Variants in DYNLT2 observed in about 807,000 individuals in gnomAD.
DYNLT2 encodes dynein light chain Tctex-type protein 2.
A neutral mutation model predicts 24.3 loss-of-function variants in DYNLT2; 24 were observed. The ratio of observed to expected loss-of-function variants is 0.99; its 90% CI spans 0.71 to 1.39. The LOEUF (loss-of-function observed/expected upper bound fraction) is 1.39, where lower values mean the gene tolerates loss of function less well. Ranked by LOEUF, DYNLT2 falls within the 40% of genes most tolerant of loss-of-function variation. DYNLT2 has a pLI of 0.00. For missense variants in DYNLT2, 246 were observed against 234.5 expected (o/e 1.05, Z -0.32); for synonymous variants, 85 against 85.4 (o/e 1.00, Z 0.03).
At chr6:169,729,511 T>C in the DYNLT2 span, among the ~76,000 whole-genome samples, 5 of 152,216 alleles carry the variant, frequency 3.3e-5, no homozygotes, top group Non-Finnish European at 5.9e-5. Context: ...CTTTGCTGCT[T>C]GTAAACTGAA....
the DYNLT2 span, among the ~76,000 whole-genome samples, chr6:169,730,573 G>C: frequency 6.6e-6 from 1 of 152,192 alleles, no homozygotes; most frequent in Non-Finnish European, 1.5e-5. Flanking sequence ...GAGAGGTTGG[G>C]AATATAGAGG....
chr6:169,734,802 T>A, the DYNLT2 span, among the ~76,000 whole-genome samples: 1 of 152,230 alleles, frequency 6.6e-6, no homozygotes, highest in South Asian at 2.1e-4. Flanking sequence ...GCTGGCTTCA[T>A]AAAATGAGTT....
At chr6:169,731,376 CTG>C in the DYNLT2 span, among the ~76,000 whole-genome samples, 1 of 152,130 alleles carries the variant, frequency 6.6e-6, no homozygotes, top group African/African-American at 2.4e-5. Flanking sequence ...GAGGCAAAGA[CTG>C]ATACAAAGTT....
downstream of DYNLT2, among the ~76,000 whole-genome samples, chr6:169,737,429 A>G (rs1286035835): frequency 6.6e-6 from 1 of 151,886 alleles, no homozygotes; most frequent in Admixed American, 6.6e-5. Context: ...CATTTTTTTC[A>G]TTGATTCTTT....
At chr6:169,747,876 A>C (rs1384779240) in intron 1 of DYNLT2, among the ~76,000 whole-genome samples, 1 of 152,162 alleles carries the variant, frequency 6.6e-6, no homozygotes, top group African/African-American at 2.4e-5. Context: ...TATAGGCTGG[A>C]TATTTTTGTA....
At chr6:169,728,612 T>C in the DYNLT2 span, among the ~76,000 whole-genome samples, 6 of 152,202 alleles carry the variant, frequency 3.9e-5, no homozygotes, top group Non-Finnish European at 4.4e-5. Flanking sequence ...AGAACTTTTG[T>C]TGAAACATCA....
chr6:169,731,025 G>A, the DYNLT2 span, among the ~76,000 whole-genome samples: 40 of 152,262 alleles, frequency 2.6e-4, no homozygotes, highest in African/African-American at 9.4e-4. Flanking sequence ...AGGGGAAAGA[G>A]GCTGATGATA....
rs764239516 is a variant in DYNLT2, at chr6:169,744,218, C to T, written c.177G>A (p.Val59=). The change falls in exon 2 of 4, where the codon GTG becomes GTA. Residue 59 remains valine (V), a synonymous_variant. Coordinates refer to ENST00000366774, the MANE Select transcript of DYNLT2 (RefSeq NM_174910.3). The part of the protein sequence containing the change: ...LRESIHNVQY[V]EPPFDDSIAD... The stretch of plus-strand genomic sequence containing the variant: ...CAATTGAGTCATCAAAAGGAGGCTC[C>T]ACATACTGAACATTGTGAATTGACT... The T allele has an allele frequency of 5.0e-6, 8 of 1,613,624 alleles. No individual in the cohort carries two copies. The highest frequency in any genetic ancestry group is 1.7e-5 in the Admixed American group (1 of 59,984).
At position 169,751,503 on chromosome 6, in the gene DYNLT2, G is replaced by C. The variant is rs558334390; in HGVS notation, c.-45C>G. ...CGCCCACCGCCTCCCCTTCACCGCC[G>C]GCGGTCAAACGCCCTAGCCAGTCCC... On this transcript the variant is annotated 5_prime_UTR_variant, in exon 1 of 4. Transcript: ENST00000366774. The C allele has an allele frequency of 6.2e-7, 1 of 1,611,162 alleles. No homozygotes were observed. The highest frequency in any genetic ancestry group is 1.3e-5 in the African/African-American group (1 of 74,998).
At chr6:169,729,613 C>T in the DYNLT2 span, among the ~76,000 whole-genome samples, 2 of 152,146 alleles carry the variant, frequency 1.3e-5, no homozygotes, top group African/African-American at 4.8e-5. Flanking sequence ...TTGTGCCTTA[C>T]CTGCAAATTC....
At chr6:169,736,130 GTTTT>G (rs550542182), downstream of DYNLT2, among the ~76,000 whole-genome samples, 2 of 133,342 alleles carry the variant, frequency 1.5e-5, no homozygotes, top group Non-Finnish European at 3.1e-5. Context: ...TTGTTGTTTC[GTTTT>G]TTTGTTTGTT....
chr6:169,737,791 G>A (rs148228019), downstream of DYNLT2, among the ~76,000 whole-genome samples: 1,146 of 152,274 alleles, frequency 7.5e-3, 8 homozygotes, highest in African/African-American at 0.011. Flanking sequence ...ACCCAGTTGG[G>A]TGACACAGGG....
the DYNLT2 span, chr6:169,725,755 C>A: frequency 6.5e-6 from 1 of 154,894 alleles, no homozygotes; most frequent in East Asian, 1.9e-4. Flanking sequence ...CAGGGAAAGC[C>A]GTGATGGGAA....
the DYNLT2 span, chr6:169,725,166 TGAG>T: frequency 2.5e-6 from 1 of 398,812 alleles, no homozygotes; most frequent in Non-Finnish European, 4.4e-6. Flanking sequence ...CAGCGGAAAG[TGAG>T]GAGCCAAGCC....
intron 3 of DYNLT2, among the ~76,000 whole-genome samples, chr6:169,742,668 G>A (rs1386575447): frequency 1.3e-5 from 2 of 151,718 alleles, no homozygotes. Flanking sequence ...GAGCGAACTC[G>A]GGCCACTGCA....
downstream of DYNLT2, among the ~76,000 whole-genome samples, chr6:169,736,762 A>G (rs1224848040): frequency 6.6e-6 from 1 of 152,130 alleles, no homozygotes; most frequent in Non-Finnish European, 1.5e-5. Flanking sequence ...CCTTCATTTT[A>G]ACTTCAGAGA....
intron 1 of DYNLT2, among the ~76,000 whole-genome samples, chr6:169,745,272 T>C (rs1789771508): frequency 6.6e-6 from 1 of 152,030 alleles, no homozygotes; most frequent in Non-Finnish European, 1.5e-5. Flanking sequence ...TTTTTGTTGT[T>C]GTTGTATTTT....
In DYNLT2 at chr6:169,744,055, T is replaced by G; in HGVS notation, c.327+13A>C. On this transcript the variant is annotated intron_variant, in intron 2 of 3. Coordinates refer to ENST00000366774, the MANE Select transcript of DYNLT2 (RefSeq NM_174910.3). ...TCATACAATACTGCTATCATATATA[T>G]TTATCAACCTACTGTTAGTATCTGC... 1 of 1,607,744 alleles carries G rather than the reference T, an allele frequency of 6.2e-7. No individual in the cohort carries two copies. The highest frequency in any genetic ancestry group is 1.3e-5 in the African/African-American group (1 of 74,892).
intron 2 of DYNLT2, among the ~76,000 whole-genome samples, chr6:169,743,524 A>T (rs904263805): frequency 9.2e-5 from 14 of 152,188 alleles, no homozygotes; most frequent in African/African-American, 3.4e-4. Flanking sequence ...AGACACAAGG[A>T]GATTTTCTAA....
Sources: allele counts gnomAD v4.1 joint callset (sites outside exome capture counted in the v4.1 genomes callset), GRCh38; gene constraint gnomAD v4.1.1; transcripts MANE v1.5; gene names NCBI Gene and HGNC (gene_info 2026-07-23, HGNC 2026-07-21).